FAM178B: variants seen among roughly 807,000 people sequenced by gnomAD.
FAM178B encodes the protein family with sequence similarity 178 member B, also known as protein FAM178B.
In FAM178B, 82 loss-of-function variants were observed where a neutral mutation model predicts 91.7. The observed-to-expected ratio is 0.89, with a 90% confidence interval of 0.75 to 1.07. FAM178B has a LOEUF of 1.07. Ranked by LOEUF, FAM178B falls within the 50% of genes least tolerant of loss-of-function variation. The pLI is 0.00. For missense variants in FAM178B, 769 were observed against 846.7 expected (o/e 0.91, Z 1.14); for synonymous variants, 368 against 359.4 (o/e 1.02, Z -0.27).
chr2:96,986,281 A>C lies in FAM178B; in HGVS notation c.33T>G (p.Ala11=). The C allele has an allele frequency of 6.5e-7, 1 of 1,534,386 alleles. No homozygotes were observed. The highest frequency in any genetic ancestry group is 1.2e-5 in the South Asian group (1 of 83,994). MWPRLPGAGL[A]PQLRRQDQRL... ...GCTGATCCTGCCTCCTGAGTTGTGG[A>C]GCGAGGCCCGCACCTGGAAGCCTTG... Residue 11 remains alanine, a synonymous_variant, in exon 1 of 17, where the codon GCT becomes GCG. Transcript: ENST00000490605.
At chr2:96,960,462 G>C (rs1323405192) in intron 5 of FAM178B, 22 bp from the exon 6 acceptor site, 2 of 1,522,322 alleles carry the variant, frequency 1.3e-6, no homozygotes, top group Admixed American at 4.0e-5. Context: ...AGGGGCAGGA[G>C]GGCCGGGCAT....
At chr2:96,980,336 A>G (rs1170786786) in intron 1 of FAM178B, among the ~76,000 whole-genome samples, 1 of 152,052 alleles carries the variant, frequency 6.6e-6, no homozygotes, top group Admixed American at 6.6e-5. Context: ...TCGGCCTCCC[A>G]AAGTGCTGGG....
chr2:96,921,102 T>C (rs1028269835), intron 12 of FAM178B, 63 bp downstream of exon 12: 2 of 1,374,804 alleles, frequency 1.5e-6, no homozygotes, highest in African/African-American at 2.9e-5. Context: ...GGACTCTGGA[T>C]CCCTACAAGA....
At chr2:96,930,757 T>A (rs1231393053) in intron 8 of FAM178B, among the ~76,000 whole-genome samples, 1 of 152,202 alleles carries the variant, frequency 6.6e-6, no homozygotes, top group Non-Finnish European at 1.5e-5. Flanking sequence ...ATCCCAAGTG[T>A]GATAGCATCA....
chr2:96,908,845 T>A (rs1024264920), intron 12 of FAM178B, among the ~76,000 whole-genome samples: 1 of 152,070 alleles, frequency 6.6e-6, no homozygotes, highest in East Asian at 1.9e-4. Context: ...ACCTCAGGCT[T>A]AGAAAACACC....
chr2:96,968,299 C>A (rs1348740749), intron 4 of FAM178B, among the ~76,000 whole-genome samples: 1 of 152,040 alleles, frequency 6.6e-6, no homozygotes, highest in Non-Finnish European at 1.5e-5. Flanking sequence ...CCGCCACCAG[C>A]CCCTGCGCGC....
Position 96,892,259 on chromosome 2 carries a change from C to CT in FAM178B, c.1776+1666dup, listed in dbSNP as rs148785936. Reference sequence around the variant, plus strand: ...TTTCACACTTCTGTGCCCATGTACCCTCCTTGGCCTGGGGCTCCCTCACTC... The same window carrying CT: ...TTTCACACTTCTGTGCCCATGTACCCTTCCTTGGCCTGGGGCTCCCTCACTC... On this transcript the variant is annotated intron_variant, in intron 14 of 16. Coordinates refer to ENST00000490605, the MANE Select transcript of FAM178B (RefSeq NM_001122646.3). Among the ~76,000 whole-genome samples the CT allele has an allele frequency of 3.3e-5, 5 of 152,276 alleles. No individual in the cohort carries two copies. In the East Asian group the frequency reaches 9.7e-4, roughly 29 times the overall value.
chr2:96,877,402 A>ATTTT (rs897024279), intron 16 of FAM178B, among the ~76,000 whole-genome samples: 1 of 132,378 alleles, frequency 7.6e-6, no homozygotes, highest in African/African-American at 2.8e-5. Context: ...TGGGCACTGG[A>ATTTT]TTTTTTTTTT....
intron 8 of FAM178B, among the ~76,000 whole-genome samples, chr2:96,941,937 C>T (rs2081739372): frequency 6.6e-6 from 1 of 152,226 alleles, no homozygotes; most frequent in Non-Finnish European, 1.5e-5. Flanking sequence ...TTTCATTTCT[C>T]TTAATCAACT....
chr2:96,968,545 G>C (rs758034941), intron 4 of FAM178B, among the ~76,000 whole-genome samples: 2 of 151,990 alleles, frequency 1.3e-5, no homozygotes, highest in African/African-American at 2.4e-5. Context: ...CAGGCCTGTC[G>C]TGAGCTCAGA....
At chr2:96,902,992 A>G (rs1375570003) in intron 12 of FAM178B, among the ~76,000 whole-genome samples, 1 of 152,236 alleles carries the variant, frequency 6.6e-6, no homozygotes, top group Non-Finnish European at 1.5e-5. Flanking sequence ...CTCTGCCGAT[A>G]CATATCCATG....
intron 9 of FAM178B, among the ~76,000 whole-genome samples, chr2:96,927,675 T>C (rs1242139582): frequency 6.6e-6 from 1 of 152,186 alleles, no homozygotes; most frequent in Non-Finnish European, 1.5e-5. Flanking sequence ...ACAACGGATT[T>C]GTCACGCAGC....
At chr2:96,933,861 C>G (rs2081582091) in intron 8 of FAM178B, among the ~76,000 whole-genome samples, 1 of 152,182 alleles carries the variant, frequency 6.6e-6, no homozygotes, top group East Asian at 1.9e-4. Context: ...AGCAAGCTAC[C>G]CATCCCACTG....
intron 7 of FAM178B, chr2:96,950,025 C>T: frequency 1.0e-6 from 1 of 985,864 alleles, no homozygotes; most frequent in Non-Finnish European, 1.2e-6. Flanking sequence ...CTCCAGCCCC[C>T]TCGCAGCATG....
chr2:96,895,221 C>T, intron 13 of FAM178B: 1 of 717,474 alleles, frequency 1.4e-6, no homozygotes, highest in South Asian at 1.7e-5. Flanking sequence ...AGGATTTCCC[C>T]CCAATCTAAT....
chr2:96,928,378 C>T (rs568210425), intron 9 of FAM178B, among the ~76,000 whole-genome samples: 19 of 152,254 alleles, frequency 1.2e-4, no homozygotes, highest in East Asian at 1.2e-3. Flanking sequence ...AGTCGCCATC[C>T]GCCCACCAGA....
intron 13 of FAM178B, among the ~76,000 whole-genome samples, chr2:96,898,902 C>A (rs1447937003): frequency 6.6e-6 from 1 of 152,188 alleles, no homozygotes; most frequent in Non-Finnish European, 1.5e-5. Flanking sequence ...GCAGGCAGGG[C>A]CTGTGAGGAG....
At chr2:96,933,676 C>G (rs561754067) in intron 8 of FAM178B, among the ~76,000 whole-genome samples, 2 of 152,306 alleles carry the variant, frequency 1.3e-5, no homozygotes, top group African/African-American at 4.8e-5. Context: ...CCTCCCCAAC[C>G]CCCAAATCAA....
Position 96,878,009 on chromosome 2 carries a change from G to A in FAM178B, c.1888C>T (p.Arg630Cys), listed in dbSNP as rs750637879. Residue 630 changes from arginine (R) to cysteine (C), a missense_variant, in exon 16 of 17, where the codon CGC (arginine) becomes TGC (cysteine). Transcript: ENST00000490605. ...TCCCGGATCTGCGTGCTGATGTGGC[G>A]GTCCAACTGCATGCACAGCAGCTGC... ...ELQLLCMQLD[R>C]HISTQIRESP... 41 of 1,612,034 alleles carry A rather than the reference G, an allele frequency of 2.5e-5. No homozygotes were observed. Among genetic ancestry groups the A allele is most frequent in the South Asian group, 6.6e-5 (6 of 91,082 alleles).
Sources: gnomAD v4.1 joint callset for allele counts (sites outside exome capture counted in the v4.1 genomes callset) on GRCh38, gnomAD v4.1.1 for gene constraint, MANE v1.5 for transcripts, NCBI Gene and HGNC (gene_info 2026-07-23, HGNC 2026-07-21) for gene names.